SNTG2: variants seen among roughly 807,000 people sequenced by gnomAD.
SNTG2 encodes syntrophin gamma 2, also known as gamma-2-syntrophin.
SNTG2 carries 74 observed loss-of-function variants against 70.9 expected under a neutral mutation model. That is an observed-to-expected ratio of 1.04 (90% confidence interval 0.86 to 1.27). The LOEUF is 1.27. Among genes scored for constraint, SNTG2 ranks in the 50% most tolerant of loss-of-function variants. The pLI is 0.00. For synonymous variants in SNTG2, 278 were observed against 273.8 expected, an observed-to-expected ratio of 1.02 and a Z score of -0.15; for missense variants, 717 against 690.7, an observed-to-expected ratio of 1.04 and a Z score of -0.43.
At chr2:1,312,316 C>T (rs9677935) in intron 15 of SNTG2, among the ~76,000 whole-genome samples, 57,187 of 152,102 alleles carry the variant, frequency 0.38, 11,323 homozygotes, top group Middle Eastern at 0.52. Context: ...CCCGTCCAAG[C>T]GCAGTCCAGG....
At chr2:1,022,374 T>G (rs529451664) in intron 1 of SNTG2, among the ~76,000 whole-genome samples, 1 of 152,078 alleles carries the variant, frequency 6.6e-6, no homozygotes, top group African/African-American at 2.4e-5. Flanking sequence ...AATCCCTGCA[T>G]TCCCGTGAGG....
chr2:1,115,631 G>T (rs1666908860), intron 4 of SNTG2, among the ~76,000 whole-genome samples: 2 of 151,810 alleles, frequency 1.3e-5, no homozygotes, highest in African/African-American at 4.8e-5. Context: ...ACTAAGTGAG[G>T]TTTAACCCTT....
At chr2:1,363,260 C>G (rs987784630) in intron 16 of SNTG2, among the ~76,000 whole-genome samples, 2 of 152,166 alleles carry the variant, frequency 1.3e-5, no homozygotes, top group Admixed American at 6.5e-5. Context: ...TATGAGGACA[C>G]AAGCTCCCCT....
chr2:1,197,776 C>T (rs2147958640), intron 8 of SNTG2, among the ~76,000 whole-genome samples: 1 of 152,002 alleles, frequency 6.6e-6, no homozygotes, highest in East Asian at 1.9e-4. Context: ...TCAAGTGATC[C>T]AACTGCCTCA....
intron 11 of SNTG2, among the ~76,000 whole-genome samples, chr2:1,240,924 T>C (rs1363641069): frequency 6.6e-6 from 1 of 152,192 alleles, no homozygotes; most frequent in East Asian, 1.9e-4. Flanking sequence ...TTCTTATACA[T>C]AAAATATCAT....
chr2:979,073 T>G (rs893056322), intron 1 of SNTG2, among the ~76,000 whole-genome samples: 1 of 152,202 alleles, frequency 6.6e-6, no homozygotes, highest in African/African-American at 2.4e-5. Context: ...TAAATTCAAT[T>G]TCAATGAAAG....
chr2:1,002,753 T>C (rs953701441), intron 1 of SNTG2, among the ~76,000 whole-genome samples: 10 of 150,268 alleles, frequency 6.7e-5, no homozygotes, highest in Non-Finnish European at 1.0e-4. Context: ...AAAGGATATA[T>C]ACCCAAAGGG....
intron 1 of SNTG2, among the ~76,000 whole-genome samples, chr2:1,058,703 T>A (rs1458284122): frequency 6.6e-6 from 1 of 151,088 alleles, no homozygotes; most frequent in African/African-American, 2.4e-5. Flanking sequence ...GAGGGTGGAG[T>A]TTTCATCAGA....
intron 14 of SNTG2, among the ~76,000 whole-genome samples, chr2:1,294,645 T>G (rs546374236): frequency 1.3e-5 from 2 of 152,332 alleles, no homozygotes; most frequent in South Asian, 2.1e-4. Context: ...TCATCCATCT[T>G]GTAAGCAGGA....
chr2:1,138,207 T>A (rs62107449), intron 6 of SNTG2, among the ~76,000 whole-genome samples: 6,116 of 152,300 alleles, frequency 0.04, 221 homozygotes, highest in South Asian at 0.17. Context: ...TGCAGGGCCT[T>A]CACGCCTTTG....
intron 1 of SNTG2, among the ~76,000 whole-genome samples, chr2:965,032 C>T (rs546936840): frequency 2.6e-5 from 4 of 151,990 alleles, no homozygotes; most frequent in East Asian, 1.9e-4. Flanking sequence ...CCTTTTCCTG[C>T]ACCCCCAATC....
chr2:1,206,187 C>T (rs774458884), intron 8 of SNTG2, among the ~76,000 whole-genome samples: 2 of 152,178 alleles, frequency 1.3e-5, no homozygotes, highest in Non-Finnish European at 2.9e-5. Context: ...ATGAGAATCA[C>T]GAGGCTCTGC....
At chr2:1,057,926 G>C (rs1662569865) in intron 1 of SNTG2, among the ~76,000 whole-genome samples, 1 of 152,168 alleles carries the variant, frequency 6.6e-6, no homozygotes, top group South Asian at 2.1e-4. Flanking sequence ...TGTAGTCCCA[G>C]CTACTCAGGA....
chr2:969,007 C>T (rs944686019), intron 1 of SNTG2, among the ~76,000 whole-genome samples: 1 of 152,158 alleles, frequency 6.6e-6, no homozygotes, highest in East Asian at 1.9e-4. Flanking sequence ...GGTTTTACAT[C>T]TAAGTCTTTA....
At chr2:951,620 A>G (rs1051988225) in intron 1 of SNTG2, among the ~76,000 whole-genome samples, 1 of 152,198 alleles carries the variant, frequency 6.6e-6, no homozygotes, top group Non-Finnish European at 1.5e-5. Flanking sequence ...TTTGAAGTCT[A>G]TTCTGGTTCC....
At chr2:1,072,583 A>G (rs1349780461) in intron 1 of SNTG2, among the ~76,000 whole-genome samples, 1 of 152,100 alleles carries the variant, frequency 6.6e-6, no homozygotes, top group African/African-American at 2.4e-5. Flanking sequence ...GTCACCCAAG[A>G]GCTCTGATGG....
At chr2:1,349,211 G>C (rs905390075) in intron 16 of SNTG2, among the ~76,000 whole-genome samples, 2 of 152,104 alleles carry the variant, frequency 1.3e-5, no homozygotes, top group Non-Finnish European at 2.9e-5. Flanking sequence ...TGGTTGGGGG[G>C]GTCACTGGTC....
intron 1 of SNTG2, among the ~76,000 whole-genome samples, chr2:1,047,327 G>C (rs78029684): frequency 2.0e-5 from 3 of 152,150 alleles, no homozygotes; most frequent in Non-Finnish European, 4.4e-5. Context: ...TTGCCATCCA[G>C]ATTCTGAATT....
intron 9 of SNTG2, among the ~76,000 whole-genome samples, chr2:1,213,247 T>C (rs1408572234): frequency 6.6e-6 from 1 of 152,214 alleles, no homozygotes; most frequent in Non-Finnish European, 1.5e-5. Flanking sequence ...TCTACTCTTT[T>C]AGCAATTTTG....
Sources: gnomAD v4.1 joint callset for allele counts (sites outside exome capture counted in the v4.1 genomes callset) on GRCh38, gnomAD v4.1.1 for gene constraint, MANE v1.5 for transcripts, NCBI Gene and HGNC (gene_info 2026-07-23, HGNC 2026-07-21) for gene names.